The following PIWIL1 variants were observed in gnomAD, a reference collection of about 807,000 sequenced individuals.
PIWIL1 encodes piwi-like protein 1.
A neutral mutation model predicts 114.4 loss-of-function variants in PIWIL1; 73 were observed. The ratio of observed to expected loss-of-function variants is 0.64; its 90% CI spans 0.53 to 0.78. PIWIL1 has a LOEUF of 0.78. Ranked by LOEUF, PIWIL1 falls within the 30% of genes least tolerant of loss-of-function variation. The pLI is 0.00. For missense variants in PIWIL1, 723 were observed against 1,063.1 expected (o/e 0.68, Z 4.45); for synonymous variants, 375 against 369.0 (o/e 1.02, Z -0.19).
chr12:130,363,597 A>G (rs1035146790), intron 18 of PIWIL1, among the ~76,000 whole-genome samples: 2 of 132,898 alleles, frequency 1.5e-5, no homozygotes, highest in East Asian at 2.4e-4. Flanking sequence ...GGGCAGGGGT[A>G]GTTCTACTTT....
At chr12:130,392,152 C>A in the PIWIL1 span, among the ~76,000 whole-genome samples, 3 of 86,862 alleles carry the variant, frequency 3.5e-5, no homozygotes, top group African/African-American at 4.1e-5. Context: ...CCGTCAGTTA[C>A]CTGGTGAATA....
At chr12:130,403,381 TC>T in the PIWIL1 span, among the ~76,000 whole-genome samples, 1 of 152,172 alleles carries the variant, frequency 6.6e-6, no homozygotes, top group African/African-American at 2.4e-5. Context: ...GGAAGACTAT[TC>T]AAGAAACTAA....
At chr12:130,409,436 G>A in the PIWIL1 span, among the ~76,000 whole-genome samples, 6 of 133,356 alleles carry the variant, frequency 4.5e-5, no homozygotes, top group Admixed American at 1.9e-4. Flanking sequence ...TCCGCCTCCC[G>A]GGTTCATGCG....
chr12:130,355,558 A>G lies in PIWIL1; in HGVS notation c.1295A>G (p.Asp432Gly), dbSNP rs983785533. 1.9e-6 allele frequency: 3 copies of G among 1,609,478 alleles called. No homozygotes were observed. The highest frequency in any genetic ancestry group is 2.7e-5 in the African/African-American group (2 of 74,840). The change falls in exon 12 of 21, where the codon GAT becomes GGT. Residue 432 changes from aspartate to glycine, a missense_variant. Transcript: ENST00000245255. Reference sequence around the variant, plus strand: ...TAAATGTGTTAAATTTACAGAAACGATAATGTTCAAAGGGAGCTTCGAGAC... The same window carrying G: ...TAAATGTGTTAAATTTACAGAAACGGTAATGTTCAAAGGGAGCTTCGAGAC... ...GRLIDYIHKN[D>G]NVQRELRDWG...
the PIWIL1 span, among the ~76,000 whole-genome samples, chr12:130,378,938 G>GT: frequency 6.6e-6 from 1 of 152,194 alleles, no homozygotes; most frequent in Non-Finnish European, 1.5e-5. Context: ...AAGAGAAGAT[G>GT]TTTGTACAAC....
chr12:130,413,926 C>T, the PIWIL1 span, among the ~76,000 whole-genome samples: 4 of 152,256 alleles, frequency 2.6e-5, no homozygotes, highest in African/African-American at 4.8e-5. Flanking sequence ...GCACACAAAC[C>T]GGGCAGATGC....
At chr12:130,362,723 A>AC (rs144210081) in intron 16 of PIWIL1, 43 bp from the exon 17 acceptor site, 36,263 of 1,527,758 alleles carry the variant, frequency 0.024, 525 homozygotes, top group Middle Eastern at 0.038. Flanking sequence ...AAAAATTGAT[A>AC]GACAATTGCA....
the PIWIL1 span, among the ~76,000 whole-genome samples, chr12:130,378,851 C>A: frequency 6.6e-6 from 1 of 152,150 alleles, no homozygotes; most frequent in Non-Finnish European, 1.5e-5. Context: ...GGATACAAAT[C>A]TTTTGTTGTA....
chr12:130,395,021 G>C, the PIWIL1 span, among the ~76,000 whole-genome samples: 3 of 152,130 alleles, frequency 2.0e-5, no homozygotes, highest in Middle Eastern at 3.2e-3. Context: ...GGCAGGGGAG[G>C]GGGAGCAGCA....
At position 130,363,059 on chromosome 12, in the gene PIWIL1, G is replaced by A. The variant is rs1349757140; in HGVS notation, c.2110G>A (p.Val704Ile). ...CCGGATCATCGTGTACCGCGATGGCGTAGGAGACGGCCAGCTGAAAACACT... is the reference window on the plus strand; with the variant it reads ...CCGGATCATCGTGTACCGCGATGGCATAGGAGACGGCCAGCTGAAAACACT... ...PSRIIVYRDGVGDGQLKTLVN... is the reference protein window; with the variant it reads ...PSRIIVYRDGIGDGQLKTLVN... Residue 704 changes from valine to isoleucine, a missense_variant, in exon 18 of 21, where the codon GTA becomes ATA. Transcript: ENST00000245255. 8 of 1,614,232 alleles carry A rather than the reference G, an allele frequency of 5.0e-6. No individual in the cohort carries two copies. Among genetic ancestry groups the A allele is most frequent in the Admixed American group, 1.7e-5 (1 of 60,026 alleles).
chr12:130,402,390 A>T, the PIWIL1 span, among the ~76,000 whole-genome samples: 2 of 152,144 alleles, frequency 1.3e-5, no homozygotes, highest in African/African-American at 4.8e-5. Context: ...GGCAGTCAGA[A>T]CGCTGGATAA....
At chr12:130,423,196 T>C in the PIWIL1 span, among the ~76,000 whole-genome samples, 1 of 152,192 alleles carries the variant, frequency 6.6e-6, no homozygotes, top group Admixed American at 6.5e-5. Context: ...AGCAAAACCT[T>C]CTTCTTGCTA....
intron 1 of PIWIL1, 112 bp downstream of exon 1, chr12:130,338,258 G>T (rs34601290): frequency 0.27 from 66,795 of 244,232 alleles, 7,867 homozygotes; most frequent in Middle Eastern, 0.35. Context: ...GGTTGCGGGG[G>T]CGAGGTCCCA....
chr12:130,418,635 T>G, the PIWIL1 span, among the ~76,000 whole-genome samples: 1 of 152,182 alleles, frequency 6.6e-6, no homozygotes, highest in African/African-American at 2.4e-5. Context: ...TGAGTTTATG[T>G]GGCAAGTTTG....
chr12:130,345,760 G>A lies in PIWIL1; in HGVS notation c.198G>A (p.Gln66=). Residue 66 remains glutamine, a synonymous_variant, in exon 4 of 21, where the codon CAG becomes CAA. Coordinates refer to ENST00000245255, the MANE Select transcript of PIWIL1 (RefSeq NM_004764.5). ...ACACAATTTTTTTTTAAGGACTCCA[G>A]ATATCTGCTGGATTTCAGGAGTTAT... ...AGGTAKSQGL[Q]ISAGFQELSL... The A allele has an allele frequency of 1.9e-6, 3 of 1,613,772 alleles. No homozygotes were observed. The highest frequency in any genetic ancestry group is 2.5e-6 in the Non-Finnish European group (3 of 1,179,882).
intron 1 of PIWIL1, among the ~76,000 whole-genome samples, chr12:130,340,314 A>G (rs1215538513): frequency 1.3e-5 from 2 of 152,098 alleles, no homozygotes; most frequent in African/African-American, 4.8e-5. Flanking sequence ...TTTGTAGATC[A>G]GCAGTCCCCA....
rs2073503601 is a variant in PIWIL1, at chr12:130,361,390, A to G, written c.1866+10A>G. 1 of 1,613,930 alleles carries G rather than the reference A, an allele frequency of 6.2e-7. No homozygotes were observed. Among genetic ancestry groups the G allele is most frequent in the Non-Finnish European group, 8.5e-7 (1 of 1,179,800 alleles). On this transcript the variant is annotated intron_variant, in intron 15 of 20. Coordinates refer to ENST00000245255, the MANE Select transcript of PIWIL1 (RefSeq NM_004764.5). ...GAGGGTGGACATCCCCGTGAGTTTG[A>G]TTTAATTGGTAGATGCCGTTTTAAA... is the stretch of plus-strand genomic sequence containing the variant.
chr12:130,423,225 G>T, the PIWIL1 span, among the ~76,000 whole-genome samples: 9 of 152,184 alleles, frequency 5.9e-5, no homozygotes, highest in South Asian at 2.1e-4. Context: ...ATGGAGTGAG[G>T]AAGTTCTCAG....
chr12:130,364,098 C>T (rs1047085712), intron 18 of PIWIL1, among the ~76,000 whole-genome samples: 6 of 152,144 alleles, frequency 3.9e-5, no homozygotes, highest in African/African-American at 7.2e-5. Flanking sequence ...TAATCAGTTA[C>T]GTTAACTAGT....
Sources: allele counts gnomAD v4.1 joint callset (sites outside exome capture counted in the v4.1 genomes callset), GRCh38; gene constraint gnomAD v4.1.1; transcripts MANE v1.5; gene names NCBI Gene and HGNC (gene_info 2026-07-23, HGNC 2026-07-21).